LRRTM4: variants seen among roughly 807,000 people sequenced by gnomAD.
The protein encoded by LRRTM4 is leucine-rich repeat transmembrane neuronal protein 4.
LRRTM4 carries 25 observed loss-of-function variants against 47.6 expected under a neutral mutation model. The observed-to-expected ratio is 0.53, with a 90% CI of 0.38 to 0.73. The LOEUF (loss-of-function observed/expected upper bound fraction) is 0.73, where lower values mean the gene tolerates loss of function less well. Ranked by LOEUF, LRRTM4 falls within the 30% of genes least tolerant of loss-of-function variation. LRRTM4 has a pLI of 0.00. For synonymous variants in LRRTM4, 311 were observed against 269.5 expected (o/e 1.15, Z -1.51); for missense variants, 638 against 713.4 (o/e 0.89, Z 1.20).
chr2:77,139,015 T>A (rs1196327162), intron 3 of LRRTM4, among the ~76,000 whole-genome samples: 1 of 152,112 alleles, frequency 6.6e-6, no homozygotes, highest in East Asian at 1.9e-4. Context: ...CAGGGCCAGA[T>A]GGATTCACAG....
chr2:77,106,233 A>G (rs1671088940), intron 3 of LRRTM4, among the ~76,000 whole-genome samples: 1 of 152,210 alleles, frequency 6.6e-6, no homozygotes, highest in Non-Finnish European at 1.5e-5. Context: ...ATTATATAAA[A>G]CAATCTCTTT....
At chr2:76,912,700 G>A (rs561575643) in intron 3 of LRRTM4, among the ~76,000 whole-genome samples, 11 of 152,056 alleles carry the variant, frequency 7.2e-5, no homozygotes, top group African/African-American at 2.4e-4. Context: ...GGAGGTTATT[G>A]GATCATGAGG....
At chr2:76,980,110 T>A (rs1676555106) in intron 3 of LRRTM4, among the ~76,000 whole-genome samples, 1 of 152,006 alleles carries the variant, frequency 6.6e-6, no homozygotes, top group African/African-American at 2.4e-5. Flanking sequence ...ATACATAAAC[T>A]AAAATATTAC....
At chr2:76,797,770 G>C (rs1002730510) in intron 3 of LRRTM4, among the ~76,000 whole-genome samples, 2 of 150,402 alleles carry the variant, frequency 1.3e-5, no homozygotes, top group South Asian at 4.2e-4. Context: ...GATGGGGGAA[G>C]ATCTACCAAG....
At chr2:76,965,933 G>A (rs1452569142) in intron 3 of LRRTM4, among the ~76,000 whole-genome samples, 1 of 151,326 alleles carries the variant, frequency 6.6e-6, no homozygotes, top group East Asian at 1.9e-4. Flanking sequence ...CATAATAACT[G>A]TAGGGGTTGA....
chr2:77,066,734 A>G (rs1390434755), intron 3 of LRRTM4, among the ~76,000 whole-genome samples: 1 of 152,246 alleles, frequency 6.6e-6, no homozygotes, highest in Admixed American at 6.5e-5. Flanking sequence ...TAGGAAAGGT[A>G]TGTGTGAAGT....
intron 3 of LRRTM4, among the ~76,000 whole-genome samples, chr2:77,139,126 G>T (rs1026370657): frequency 2.0e-5 from 3 of 152,038 alleles, no homozygotes; most frequent in Non-Finnish European, 4.4e-5. Flanking sequence ...CATTTTATGA[G>T]GCCAGCATCG....
At chr2:77,307,004 A>G (rs1677295861) in intron 3 of LRRTM4, among the ~76,000 whole-genome samples, 1 of 142,376 alleles carries the variant, frequency 7.0e-6, no homozygotes, top group African/African-American at 2.7e-5. Context: ...GGTTCACACC[A>G]TTCTCCTGCC....
At chr2:77,340,491 A>G (rs1435789544) in intron 3 of LRRTM4, among the ~76,000 whole-genome samples, 1 of 152,008 alleles carries the variant, frequency 6.6e-6, no homozygotes. Context: ...CACATTTGGA[A>G]CATCAAATAT....
Position 76,777,655 on chromosome 2 carries a change from A to T in LRRTM4, c.1552-28739T>A, listed in dbSNP as rs1217988347. On this transcript the variant is annotated intron_variant, in intron 3 of 3. Coordinates refer to ENST00000409884, the MANE Select transcript of LRRTM4 (RefSeq NM_001134745.3). The stretch of plus-strand genomic sequence containing the variant: ...AGTTGCTTATCAGCTTAAGGAGATT[A>T]TGGGCTGAGACAATGGGGTTTTCTA... Among the ~76,000 whole-genome samples the T allele has an allele frequency of 5.3e-5, 8 of 150,428 alleles. No homozygotes were observed. The East Asian group carries it at 5.9e-4, about 11-fold the overall frequency.
chr2:77,392,727 T>A (rs1034180096), intron 3 of LRRTM4, among the ~76,000 whole-genome samples: 2 of 151,970 alleles, frequency 1.3e-5, no homozygotes, highest in Admixed American at 6.6e-5. Flanking sequence ...GGGCTGCAGA[T>A]ATTGAGAAGA....
At chr2:76,918,477 TTTAAG>T (rs1190750597) in intron 3 of LRRTM4, among the ~76,000 whole-genome samples, 1 of 152,176 alleles carries the variant, frequency 6.6e-6, no homozygotes, top group African/African-American at 2.4e-5. Context: ...GTCTAATAGT[TTTAAG>T]TTTTGTCTAG....
intron 3 of LRRTM4, among the ~76,000 whole-genome samples, chr2:76,963,854 A>G (rs1651098716): frequency 6.6e-6 from 1 of 150,764 alleles, no homozygotes; most frequent in South Asian, 2.1e-4. Flanking sequence ...ATTTTTAGTA[A>G]GAGAATATTA....
At chr2:76,767,260 T>A (rs1204344635) in intron 3 of LRRTM4, among the ~76,000 whole-genome samples, 1 of 152,220 alleles carries the variant, frequency 6.6e-6, no homozygotes, top group Admixed American at 6.5e-5. Context: ...CATCTTAATT[T>A]GTGTATTACA....
intron 3 of LRRTM4, among the ~76,000 whole-genome samples, chr2:76,967,189 A>G (rs1676055973): frequency 6.9e-6 from 1 of 145,808 alleles, no homozygotes; most frequent in Non-Finnish European, 1.5e-5. Flanking sequence ...TAGGAGAGGC[A>G]CTACCATTTA....
At chr2:76,978,420 T>C (rs953709154) in intron 3 of LRRTM4, among the ~76,000 whole-genome samples, 15 of 152,098 alleles carry the variant, frequency 9.9e-5, no homozygotes, top group Admixed American at 4.6e-4. Context: ...TTTTTTCTTA[T>C]GTAACATGAA....
intron 3 of LRRTM4, among the ~76,000 whole-genome samples, chr2:77,378,120 T>C (rs1313874318): frequency 6.6e-6 from 1 of 151,890 alleles, no homozygotes; most frequent in Non-Finnish European, 1.5e-5. Flanking sequence ...AATTACAAGA[T>C]CTACTCTCAT....
At chr2:77,122,539 T>C (rs1558590881) in intron 3 of LRRTM4, among the ~76,000 whole-genome samples, 2 of 150,504 alleles carry the variant, frequency 1.3e-5, no homozygotes, top group South Asian at 2.1e-4. Context: ...ACAATAGATA[T>C]ACACACACAC....
chr2:76,894,301 A>G (rs1020495018), intron 3 of LRRTM4, among the ~76,000 whole-genome samples: 2 of 152,082 alleles, frequency 1.3e-5, no homozygotes, highest in African/African-American at 4.8e-5. Flanking sequence ...GAGCTAATGC[A>G]TAATTTGACA....
Sources: gnomAD v4.1 joint callset for allele counts (sites outside exome capture counted in the v4.1 genomes callset) on GRCh38, gnomAD v4.1.1 for gene constraint, MANE v1.5 for transcripts, NCBI Gene and HGNC (gene_info 2026-07-23, HGNC 2026-07-21) for gene names.